Variants in CHRM3 observed in about 807,000 individuals in gnomAD.
CHRM3 encodes cholinergic receptor muscarinic 3.
In CHRM3, 11 loss-of-function variants were observed where a neutral mutation model predicts 41.8. That is an observed-to-expected ratio of 0.26 (90% confidence interval 0.17 to 0.44). CHRM3 has a LOEUF of 0.44. CHRM3 is among the 20% of genes least tolerant of loss of function. CHRM3 has a pLI of 1.00. For synonymous variants in CHRM3, 297 were observed against 301.4 expected (o/e 0.99, Z 0.15); for missense variants, 571 against 745.4 (o/e 0.77, Z 2.72).
chr1:239,549,975 C>T (rs1470309079), intron 3 of CHRM3, among the ~76,000 whole-genome samples: 1 of 151,492 alleles, frequency 6.6e-6, no homozygotes, highest in Non-Finnish European at 1.5e-5. Context: ...TATTGTGGGC[C>T]AAGCAGAAGG....
chr1:239,603,701 C>T (rs1391642745), intron 3 of CHRM3, among the ~76,000 whole-genome samples: 1 of 151,950 alleles, frequency 6.6e-6, no homozygotes, highest in Non-Finnish European at 1.5e-5. Flanking sequence ...ATGATTCGCT[C>T]ACAGGGTACT....
At chr1:239,566,800 A>T (rs1661402121) in intron 3 of CHRM3, among the ~76,000 whole-genome samples, 1 of 152,336 alleles carries the variant, frequency 6.6e-6, no homozygotes, top group East Asian at 1.9e-4. Flanking sequence ...TGATGCAGAC[A>T]AAGTTGGCTT....
intron 1 of CHRM3, among the ~76,000 whole-genome samples, chr1:239,444,992 T>C (rs904303616): frequency 2.0e-5 from 3 of 152,200 alleles, no homozygotes; most frequent in African/African-American, 7.2e-5. Context: ...AGGTGGTAGA[T>C]GATGGTTTCC....
At chr1:239,498,423 C>A (rs1668019157) in intron 2 of CHRM3, among the ~76,000 whole-genome samples, 1 of 151,968 alleles carries the variant, frequency 6.6e-6, no homozygotes, top group Admixed American at 6.6e-5. Flanking sequence ...TGGTTTATTT[C>A]ATAAAAAGTA....
intron 2 of CHRM3, among the ~76,000 whole-genome samples, chr1:239,500,221 T>A (rs1185117674): frequency 6.6e-6 from 1 of 152,136 alleles, no homozygotes; most frequent in Non-Finnish European, 1.5e-5. Flanking sequence ...CCAACACAAA[T>A]GTCCAAGAAT....
intron 4 of CHRM3, among the ~76,000 whole-genome samples, chr1:239,658,901 G>A (rs536789828): frequency 6.6e-6 from 1 of 152,020 alleles, no homozygotes; most frequent in Admixed American, 6.6e-5. Flanking sequence ...ACCACACCTG[G>A]CTATTTTTTG....
intron 3 of CHRM3, among the ~76,000 whole-genome samples, chr1:239,586,930 C>A (rs1173315482): frequency 6.6e-6 from 1 of 152,120 alleles, no homozygotes; most frequent in African/African-American, 2.4e-5. Flanking sequence ...TGGATATTGG[C>A]ATCTCCCAAA....
intron 6 of CHRM3, among the ~76,000 whole-genome samples, chr1:239,854,403 A>T (rs1233042938): frequency 6.6e-6 from 1 of 152,106 alleles, no homozygotes; most frequent in Non-Finnish European, 1.5e-5. Flanking sequence ...ACAACAAAAA[A>T]CAATCCTTCT....
chr1:239,680,259 G>GTAA (rs1486950055), intron 5 of CHRM3, among the ~76,000 whole-genome samples: 1 of 151,858 alleles, frequency 6.6e-6, no homozygotes, highest in Non-Finnish European at 1.5e-5. Context: ...AATAATAATA[G>GTAA]TAATAATAAT....
Position 239,658,801 on chromosome 1 carries a change from C to T in CHRM3, c.-249-19385C>T, listed in dbSNP as rs951784967. ...TTACTCAGGCTGGAGTGCAGTGGTG[C>T]GATCTTGGCTCACTGCAACCTCCAC... On this transcript the variant is annotated intron_variant, in intron 4 of 6. Coordinates refer to ENST00000676153, the MANE Select transcript of CHRM3 (RefSeq NM_001375978.1). Among the ~76,000 whole-genome samples the T allele has an allele frequency of 4.6e-5, 7 of 151,346 alleles. 1 individual carries two copies. Among genetic ancestry groups the T allele is most frequent in the African/African-American group, 1.7e-4 (7 of 41,142 alleles).
At chr1:239,389,367 G>A (rs1299406705) in intron 1 of CHRM3, among the ~76,000 whole-genome samples, 4 of 152,060 alleles carry the variant, frequency 2.6e-5, no homozygotes, top group African/African-American at 9.7e-5. Flanking sequence ...TCTGGGGTAG[G>A]GGGAAGTAAA....
chr1:239,537,158 A>G (rs915071036), intron 2 of CHRM3, among the ~76,000 whole-genome samples: 2 of 152,104 alleles, frequency 1.3e-5, no homozygotes, highest in Non-Finnish European at 2.9e-5. Context: ...ACGAGTGTCA[A>G]TTGTTCTTCT....
chr1:239,726,032 A>G (rs1008384626), intron 5 of CHRM3, among the ~76,000 whole-genome samples: 2 of 151,934 alleles, frequency 1.3e-5, no homozygotes, highest in African/African-American at 4.8e-5. Context: ...CCCTGTTTTT[A>G]TAAGAGAATT....
intron 2 of CHRM3, among the ~76,000 whole-genome samples, chr1:239,522,942 A>G (rs1669754744): frequency 6.6e-6 from 1 of 152,044 alleles, no homozygotes; most frequent in African/African-American, 2.4e-5. Flanking sequence ...TCCATTATGA[A>G]CCATGAGCCC....
At chr1:239,437,860 G>A (rs1228709770) in intron 1 of CHRM3, among the ~76,000 whole-genome samples, 1 of 152,186 alleles carries the variant, frequency 6.6e-6, no homozygotes, top group African/African-American at 2.4e-5. Flanking sequence ...AGGCCAAACT[G>A]TCTAAACTGG....
At chr1:239,526,187 C>G (rs1572600491) in intron 2 of CHRM3, among the ~76,000 whole-genome samples, 1 of 152,148 alleles carries the variant, frequency 6.6e-6, no homozygotes, top group Non-Finnish European at 1.5e-5. Context: ...CTCTCATTGC[C>G]TATGTCCTTG....
intron 5 of CHRM3, among the ~76,000 whole-genome samples, chr1:239,708,736 CTTTTT>C (rs869143310): frequency 6.7e-3 from 326 of 48,340 alleles, no homozygotes; most frequent in Middle Eastern, 0.053. Context: ...TTTAAATTTT[CTTTTT>C]TTTTTTTTTT....
intron 6 of CHRM3, among the ~76,000 whole-genome samples, chr1:239,859,181 G>C (rs1458859657): frequency 6.6e-6 from 1 of 152,130 alleles, no homozygotes; most frequent in African/African-American, 2.4e-5. Context: ...TGTTTTCTAA[G>C]ATGGCTGTAA....
At chr1:239,591,722 A>G (rs570048375) in intron 3 of CHRM3, among the ~76,000 whole-genome samples, 1 of 152,308 alleles carries the variant, frequency 6.6e-6, no homozygotes, top group South Asian at 2.1e-4. Context: ...CTGAGTCCCA[A>G]ACAAGTATGT....
Sources: gnomAD v4.1 joint callset for allele counts (sites outside exome capture counted in the v4.1 genomes callset) on GRCh38, gnomAD v4.1.1 for gene constraint, MANE v1.5 for transcripts, NCBI Gene and HGNC (gene_info 2026-07-23, HGNC 2026-07-21) for gene names.